Variants in AHSA1 observed in about 807,000 individuals in gnomAD.
AHSA1 encodes activator of 90 kDa heat shock protein ATPase homolog 1.
In AHSA1, 14 loss-of-function variants were observed where a neutral mutation model predicts 46.1. The observed-to-expected ratio is 0.30, with a 90% CI of 0.20 to 0.47. The LOEUF (loss-of-function observed/expected upper bound fraction) is 0.47, where lower values mean the gene tolerates loss of function less well. Among genes scored for constraint, AHSA1 ranks in the 20% least tolerant of loss-of-function variants. AHSA1 has a pLI of 0.99. For synonymous variants in AHSA1, 147 were observed against 145.8 expected (o/e 1.01, Z -0.06); for missense variants, 333 against 415.9 (o/e 0.80, Z 1.73).
In AHSA1 at chr14:77,458,102, C is replaced by T. The variant is rs940786640; in HGVS notation, c.-88C>T. On this transcript the variant is annotated 5_prime_UTR_variant, in exon 1 of 9. Coordinates refer to ENST00000216479, the MANE Select transcript of AHSA1 (RefSeq NM_012111.3). ...GCTTGCGGCCGCTTCTAGTAGTTTCCAGGCGCTGCCGGGCGGCTGGCACTA... is the reference window on the plus strand; with the variant it reads ...GCTTGCGGCCGCTTCTAGTAGTTTCTAGGCGCTGCCGGGCGGCTGGCACTA... 8.8e-6 allele frequency: 11 copies of T among 1,251,558 alleles called. No individual in the cohort carries two copies. Among genetic ancestry groups the T allele is most frequent in the South Asian group, 1.6e-5 (1 of 60,834 alleles). 77.5% of individuals were successfully genotyped at this position (1,251,558 alleles called of 1,614,324 possible). A position where few individuals can be genotyped will look rare whatever the true frequency, so the allele number is the denominator to read the frequency against.
intron 4 of AHSA1, chr14:77,463,000 C>A: frequency 2.5e-6 from 1 of 399,294 alleles, no homozygotes; most frequent in Non-Finnish European, 4.7e-6. Flanking sequence ...ACTGTGATGG[C>A]CTGGCGCGGT....
chr14:77,459,132 C>G (rs1044822148), intron 1 of AHSA1, among the ~76,000 whole-genome samples: 1 of 152,106 alleles, frequency 6.6e-6, no homozygotes, highest in Non-Finnish European at 1.5e-5. Flanking sequence ...TTGTGGCCAT[C>G]TAGGGGACAG....
intron 6 of AHSA1, among the ~76,000 whole-genome samples, chr14:77,467,535 A>C (rs1374815177): frequency 6.6e-6 from 1 of 152,012 alleles, no homozygotes; most frequent in Admixed American, 6.6e-5. Context: ...CTACTAAAAA[A>C]TACAAAAAGT....
Position 77,467,426 on chromosome 14 carries a change from G to T in AHSA1, c.691-657G>T, listed in dbSNP as rs1483652029. ...AAAAATAAAAGGGCTGGGCGCGGTG[G>T]CTCACGCCTGTAATCCCAGCACTTT... On this transcript the variant is annotated intron_variant, in intron 6 of 8. Transcript: ENST00000216479. Among the ~76,000 whole-genome samples the T allele has an allele frequency of 2.0e-5, 3 of 151,746 alleles. No individual in the cohort carries two copies. In the East Asian group the frequency reaches 5.8e-4, roughly 29 times the overall value.
intron 5 of AHSA1, 84 bp downstream of exon 5, chr14:77,464,770 G>T (rs1260899983): frequency 1.6e-6 from 2 of 1,239,152 alleles, no homozygotes; most frequent in Non-Finnish European, 2.3e-6. Flanking sequence ...AGCTCTCTGT[G>T]TCCCTAACCT....
intron 1 of AHSA1, 40 bp downstream of exon 1, chr14:77,458,309 G>A: frequency 6.5e-7 from 1 of 1,535,034 alleles, no homozygotes; most frequent in Admixed American, 2.1e-5. Flanking sequence ...GGAGACCTGC[G>A]GCCGGGCCAG....
Position 77,458,179 on chromosome 14 carries a change from T to C in AHSA1, c.-11T>C, listed in dbSNP as rs1265436471. 2.0e-6 allele frequency: 3 copies of C among 1,524,202 alleles called. No homozygotes were observed. Among genetic ancestry groups the C allele is most frequent in the South Asian group, 2.4e-5 (2 of 81,796 alleles). 94.4% of individuals were successfully genotyped at this position (1,524,202 alleles called of 1,614,324 possible). A position where few individuals can be genotyped will look rare whatever the true frequency, so the allele number is the denominator to read the frequency against. ...TGCTCCGGAGCTGGTGGCGCCGCGATAGGAGAGCCGATGGCCAAGTGGGGT... is the reference window on the plus strand; with the variant it reads ...TGCTCCGGAGCTGGTGGCGCCGCGACAGGAGAGCCGATGGCCAAGTGGGGT... On this transcript the variant is annotated 5_prime_UTR_variant, in exon 1 of 9. Transcript: ENST00000216479.
chr14:77,460,533 G>A (rs1171153645), intron 2 of AHSA1, among the ~76,000 whole-genome samples: 2 of 144,142 alleles, frequency 1.4e-5, no homozygotes, highest in Non-Finnish European at 3.1e-5. Context: ...AAGCATAGTA[G>A]TGTGGAAGGA....
upstream of AHSA1, chr14:77,457,992 G>A (rs140342242): frequency 2.6e-3 from 1,366 of 534,710 alleles, 14 homozygotes; most frequent in African/African-American, 0.025. Flanking sequence ...GGTGCGGCGA[G>A]TTGGGACGGA....
Position 77,462,748 on chromosome 14 carries a change from C to G in AHSA1, c.461C>G (p.Thr154Ser), listed in dbSNP as rs2079031207. 6.2e-7 allele frequency: 1 copy of G among 1,613,872 alleles called. No individual in the cohort carries two copies. The highest frequency in any genetic ancestry group is 2.2e-5 in the East Asian group (1 of 44,884). The stretch of plus-strand genomic sequence containing the variant: ...GAAGCAATGGGAATTTACATCAGCA[C>G]CCTCAAAACAGGTATCCCTTGAGTA... ...LREAMGIYIS[T>S]LKTEFTQGMI... The change falls in exon 4 of 9, where the codon ACC (threonine) becomes AGC (serine). Residue 154 changes from threonine (T) to serine (S), a missense_variant. Physicochemically the swap from Thr to Ser is moderately conservative, Grantham distance 58. Transcript: ENST00000216479.
chr14:77,465,763 T>C, intron 6 of AHSA1, 96 bp downstream of exon 6: 1 of 1,282,958 alleles, frequency 7.8e-7, no homozygotes, highest in Non-Finnish European at 1.1e-6. Context: ...GAAGAGGTAC[T>C]CACAAACTCA....
intron 8 of AHSA1, 44 bp downstream of exon 8, chr14:77,468,552 C>A: frequency 8.1e-4 from 1,054 of 1,303,856 alleles, no homozygotes; most frequent in Non-Finnish European, 1.1e-3. Flanking sequence ...AACTTTTTCT[C>A]TTTGCTGTAA....
intron 2 of AHSA1, among the ~76,000 whole-genome samples, chr14:77,461,282 G>A (rs1379558385): frequency 6.6e-6 from 1 of 152,192 alleles, no homozygotes; most frequent in East Asian, 1.9e-4. Context: ...TGTAATCTCA[G>A]CACTTTGGGA....
At chr14:77,464,849 C>T (rs1385107679) in intron 5 of AHSA1, among the ~76,000 whole-genome samples, 163 bp downstream of exon 5, 1 of 152,208 alleles carries the variant, frequency 6.6e-6, no homozygotes, top group African/African-American at 2.4e-5. Flanking sequence ...CATTCATTCA[C>T]CCATCTTTAA....
chr14:77,467,432 G>A (rs2079052121), intron 6 of AHSA1, among the ~76,000 whole-genome samples: 1 of 151,702 alleles, frequency 6.6e-6, no homozygotes, highest in African/African-American at 2.4e-5. Context: ...GGTGGCTCAC[G>A]CCTGTAATCC....
rs1233965977 is a variant in AHSA1 at position 77,458,157 on chromosome 14, T to G, written c.-33T>G. On this transcript the variant is annotated 5_prime_UTR_variant, in exon 1 of 9. Coordinates refer to ENST00000216479, the MANE Select transcript of AHSA1 (RefSeq NM_012111.3). Reference sequence around the variant, plus strand: ...GTCCTGAGGCTGTGGCTACGGCTGCTCCGGAGCTGGTGGCGCCGCGATAGG... The same window carrying G: ...GTCCTGAGGCTGTGGCTACGGCTGCGCCGGAGCTGGTGGCGCCGCGATAGG... The G allele has an allele frequency of 6.6e-7, 1 of 1,509,782 alleles. No individual in the cohort carries two copies. Among genetic ancestry groups the G allele is most frequent in the Admixed American group, 2.4e-5 (1 of 42,376 alleles). 93.5% of individuals were successfully genotyped at this position (1,509,782 alleles called of 1,614,324 possible).
chr14:77,463,677 C>G (rs1345646473), intron 4 of AHSA1, among the ~76,000 whole-genome samples: 3 of 151,712 alleles, frequency 2.0e-5, no homozygotes, highest in Non-Finnish European at 4.4e-5. Flanking sequence ...CATCTCTGGA[C>G]TCATTACTTG....
chr14:77,462,990 ACTG>A (rs1293305863), intron 4 of AHSA1: 3 of 431,084 alleles, frequency 7.0e-6, no homozygotes, highest in Non-Finnish European at 1.3e-5. Flanking sequence ...ACTGAAATGT[ACTG>A]TGATGGCCTG....
At chr14:77,467,436 G>A (rs2079052155) in intron 6 of AHSA1, among the ~76,000 whole-genome samples, 1 of 151,472 alleles carries the variant, frequency 6.6e-6, no homozygotes, top group African/African-American at 2.4e-5. Context: ...GCTCACGCCT[G>A]TAATCCCAGC....
Sources: gnomAD v4.1 joint callset for allele counts (sites outside exome capture counted in the v4.1 genomes callset) on GRCh38, gnomAD v4.1.1 for gene constraint, MANE v1.5 for transcripts, NCBI Gene and HGNC (gene_info 2026-07-23, HGNC 2026-07-21) for gene names.